GRID2: variants seen among roughly 807,000 people sequenced by gnomAD.
GRID2 encodes the protein glutamate ionotropic receptor delta type subunit 2.
Under a neutral mutation model 114.8 loss-of-function variants are expected in GRID2, and 33 were observed. The ratio of observed to expected loss-of-function variants is 0.29; its 90% CI spans 0.22 to 0.38. GRID2 has a LOEUF of 0.38. Among genes scored for constraint, GRID2 ranks in the 10% least tolerant of loss-of-function variants. The pLI is 1.00. For missense variants in GRID2, 1,184 were observed against 1,257.7 expected, an observed-to-expected ratio of 0.94 and a Z score of 0.89; for synonymous variants, 505 against 449.9, an observed-to-expected ratio of 1.12 and a Z score of -1.55.
rs145536832 is a variant in GRID2, at chr4:93,106,260, C to A, written c.530-4488C>A. On this transcript the variant is annotated intron_variant, in intron 3 of 15. Coordinates refer to ENST00000282020, the MANE Select transcript of GRID2 (RefSeq NM_001510.4). ...GATAACTCATCTCATTGGCTGCCAG[C>A]TAATCAGCATACAGATAATGTGGCT... Among the ~76,000 whole-genome samples the A allele has an allele frequency of 2.6e-5, 4 of 152,328 alleles. No homozygotes were observed. In the South Asian group the frequency reaches 6.2e-4, roughly 24 times the overall value.
intron 1 of GRID2, among the ~76,000 whole-genome samples, chr4:92,327,335 T>C (rs139192320): frequency 2.0e-4 from 31 of 151,862 alleles, no homozygotes; most frequent in African/African-American, 6.5e-4. Context: ...ATATCAGTTT[T>C]TAACAACATT....
chr4:92,533,184 G>GT (rs1471420756), intron 1 of GRID2, among the ~76,000 whole-genome samples: 7 of 142,714 alleles, frequency 4.9e-5, no homozygotes, highest in African/African-American at 1.7e-4. Flanking sequence ...ACTTTGGTGT[G>GT]TTTTTTTGTT....
intron 2 of GRID2, among the ~76,000 whole-genome samples, chr4:92,752,276 ATAGTATTTCT>A (rs2149339659): frequency 6.6e-6 from 1 of 152,348 alleles, no homozygotes. Context: ...TCACTTTTCC[ATAGTATTTCT>A]TGTTTCAAAC....
At chr4:93,530,513 A>G (rs1257169624) in intron 13 of GRID2, among the ~76,000 whole-genome samples, 1 of 151,616 alleles carries the variant, frequency 6.6e-6, no homozygotes, top group Admixed American at 6.6e-5. Flanking sequence ...TCAGGAATGC[A>G]CTCCTCTGCC....
chr4:92,682,636 C>T (rs1296372280), intron 2 of GRID2, among the ~76,000 whole-genome samples: 4 of 151,362 alleles, frequency 2.6e-5, no homozygotes, highest in African/African-American at 9.7e-5. Context: ...TCAGCCTTTT[C>T]TGCTTTTGGA....
rs1166342815 is a variant in GRID2 at position 93,395,621 on chromosome 4, T to A, written c.1260T>A (p.Asn420Lys). 4 of 1,551,210 alleles carry A rather than the reference T, an allele frequency of 2.6e-6. No homozygotes were observed. The South Asian group carries it at 4.5e-5, about 17-fold the overall frequency. Residue 420 changes from asparagine (N) to lysine (K), a missense_variant, in exon 9 of 16, where the codon AAT (asparagine) becomes AAA (lysine). By Grantham distance (94) the Asn-to-Lys change is moderately conservative. Around this residue, in one of 3 missense-constraint regions of GRID2, gnomAD observed 717 missense variants for 796.9 expected, o/e 0.90. Coordinates refer to ENST00000282020, the MANE Select transcript of GRID2 (RefSeq NM_001510.4). Reference protein sequence around the residue: ...GRGVRKLGCWNPVTGLNGSLT... With the variant: ...GRGVRKLGCWKPVTGLNGSLT... ...TTATCTTTCAGCTTGGTTGCTGGAATCCTGTCACAGGTCTGAATGGGTCAC... is the reference window on the plus strand; with the variant it reads ...TTATCTTTCAGCTTGGTTGCTGGAAACCTGTCACAGGTCTGAATGGGTCAC...
intron 1 of GRID2, among the ~76,000 whole-genome samples, chr4:92,453,258 AC>A (rs1394973865): frequency 6.6e-6 from 1 of 152,112 alleles, no homozygotes; most frequent in African/African-American, 2.4e-5. Flanking sequence ...AGTTGGACTG[AC>A]AGAATCTTGG....
At chr4:92,488,428 A>G (rs558286112) in intron 1 of GRID2, among the ~76,000 whole-genome samples, 34 of 152,274 alleles carry the variant, frequency 2.2e-4, no homozygotes, top group Admixed American at 2.0e-3. Flanking sequence ...TTATGCCTCC[A>G]CTGGATGCTT....
intron 13 of GRID2, among the ~76,000 whole-genome samples, chr4:93,579,721 G>A (rs1736773074): frequency 6.6e-6 from 1 of 152,124 alleles, no homozygotes; most frequent in African/African-American, 2.4e-5. Flanking sequence ...TGTTTAGGAT[G>A]CATTGAGGCA....
intron 2 of GRID2, among the ~76,000 whole-genome samples, chr4:92,974,931 G>C (rs1753761202): frequency 2.2e-5 from 2 of 91,768 alleles, no homozygotes; most frequent in South Asian, 3.0e-4. Flanking sequence ...GCCGAGGCGG[G>C]CGGATCACAA....
intron 8 of GRID2, among the ~76,000 whole-genome samples, chr4:93,351,829 T>G (rs762103763): frequency 3.3e-5 from 5 of 152,090 alleles, no homozygotes; most frequent in Non-Finnish European, 4.4e-5. Context: ...CTAAATTTAT[T>G]TAACTTCAGA....
intron 2 of GRID2, among the ~76,000 whole-genome samples, chr4:92,807,089 T>A (rs1175043030): frequency 2.0e-5 from 3 of 152,030 alleles, no homozygotes; most frequent in African/African-American, 7.2e-5. Flanking sequence ...ATTCATCCAA[T>A]ATTGTTCCAA....
chr4:92,884,192 C>T (rs2149461258), intron 2 of GRID2, among the ~76,000 whole-genome samples: 1 of 152,252 alleles, frequency 6.6e-6, no homozygotes, highest in Middle Eastern at 3.4e-3. Flanking sequence ...TCCTTAAAAC[C>T]CATGAAACCA....
At chr4:92,360,504 G>A (rs1033174184) in intron 1 of GRID2, among the ~76,000 whole-genome samples, 7 of 151,818 alleles carry the variant, frequency 4.6e-5, no homozygotes, top group African/African-American at 7.3e-5. Context: ...AAAAAAATGC[G>A]GTTCTTTTCC....
At chr4:93,459,302 T>C (rs943864055) in intron 11 of GRID2, among the ~76,000 whole-genome samples, 5 of 151,542 alleles carry the variant, frequency 3.3e-5, no homozygotes, top group Non-Finnish European at 7.4e-5. Flanking sequence ...TCTGTATTTA[T>C]AAAATAGGAC....
intron 2 of GRID2, among the ~76,000 whole-genome samples, chr4:92,959,166 G>C (rs1304910653): frequency 7.1e-6 from 1 of 141,822 alleles, no homozygotes; most frequent in South Asian, 2.2e-4. Flanking sequence ...TTCTCTATTG[G>C]CTTCCTGTTT....
At chr4:93,144,158 GC>G (rs1368605298) in intron 4 of GRID2, among the ~76,000 whole-genome samples, 1 of 152,100 alleles carries the variant, frequency 6.6e-6, no homozygotes, top group Non-Finnish European at 1.5e-5. Flanking sequence ...TGCTCATATT[GC>G]TGGTCTAGGG....
intron 2 of GRID2, among the ~76,000 whole-genome samples, chr4:92,652,921 C>CATATAAATATATATTTATAA (rs1732030028): frequency 1.6e-5 from 2 of 121,808 alleles, no homozygotes; most frequent in Admixed American, 8.3e-5. Flanking sequence ...TTTATAAATA[C>CATATAAATATATATTTATAA]ATATAAATAT....
At chr4:93,285,522 C>A (rs1753063897) in intron 8 of GRID2, among the ~76,000 whole-genome samples, 1 of 151,876 alleles carries the variant, frequency 6.6e-6, no homozygotes, top group Non-Finnish European at 1.5e-5. Flanking sequence ...ATGTTAGAAA[C>A]AATACTAAAT....
Sources: gnomAD v4.1 joint callset for allele counts (sites outside exome capture counted in the v4.1 genomes callset) on GRCh38, gnomAD v4.1.1 for gene constraint, gnomAD v4.1.1 regional missense constraint, MANE v1.5 for transcripts, NCBI Gene and HGNC (gene_info 2026-07-23, HGNC 2026-07-21) for gene names.